Variants in NDUFC1 observed in about 807,000 individuals in gnomAD.
NDUFC1 encodes the protein NADH:ubiquinone oxidoreductase subunit C1.
A neutral mutation model predicts 11.6 loss-of-function variants in NDUFC1; 11 were observed. The observed-to-expected ratio is 0.95, with a 90% confidence interval of 0.60 to 1.58. The LOEUF (loss-of-function observed/expected upper bound fraction) is 1.58, where lower values mean the gene tolerates loss of function less well. Among genes scored for constraint, NDUFC1 ranks in the 40% most tolerant of loss-of-function variants. NDUFC1 has a pLI of 0.00. For synonymous variants in NDUFC1, 52 were observed against 42.2 expected, an observed-to-expected ratio of 1.23 and a Z score of -0.90; for missense variants, 112 against 93.0, an observed-to-expected ratio of 1.20 and a Z score of -0.84.
chr4:139,301,564 G>C, intron 1 of NDUFC1: 1 of 590,310 alleles, frequency 1.7e-6, no homozygotes, highest in African/African-American at 1.9e-5. Context: ...CCCGTAGTGG[G>C]GGAGGCGGCG....
chr4:139,299,468 A>G (rs746119678), intron 1 of NDUFC1, among the ~76,000 whole-genome samples: 5 of 152,160 alleles, frequency 3.3e-5, no homozygotes, highest in Non-Finnish European at 5.9e-5. Context: ...ATGCAAGCAC[A>G]TGGGGTAAGA....
In NDUFC1 at chr4:139,295,901, G is replaced by A. The variant is rs1421205225; in HGVS notation, c.-103C>T. ...GGGCTCTGCAGCAGAGCTCCGTGGG[G>A]GCGTCAACGTGAATTCCAGCACGGC... On this transcript the variant is annotated 5_prime_UTR_variant, in exon 3 of 6. Transcript: ENST00000394223. The A allele has an allele frequency of 1.7e-5, 21 of 1,213,624 alleles. No individual in the cohort carries two copies. The highest frequency in any genetic ancestry group is 2.4e-5 in the Non-Finnish European group (21 of 874,818). The allele number at this position is 1,213,624 out of a possible 1,614,324, so 75.2% of individuals were successfully genotyped here. A position where few individuals can be genotyped will look rare whatever the true frequency, so the allele number is the denominator to read the frequency against.
At position 139,296,032 on chromosome 4, in the gene NDUFC1, T is replaced by A. The variant is rs923373904; in HGVS notation, c.-162-72A>T. On this transcript the variant is annotated intron_variant, in intron 2 of 5. Coordinates refer to ENST00000394223, the MANE Select transcript of NDUFC1 (RefSeq NM_001184989.2). ...TACCTATTCTCTGTCCTCTGGGGGT[T>A]TTTCACCCCATCTCTACGGCTATTC... 7.5e-5 allele frequency: 38 copies of A among 507,220 alleles called. No homozygotes were observed. The East Asian group carries it at 1.4e-3, about 18-fold the overall frequency. 31.4% of individuals were successfully genotyped at this position (507,220 alleles called of 1,614,324 possible). A position where few individuals can be genotyped will look rare whatever the true frequency, so the allele number is the denominator to read the frequency against.
intron 1 of NDUFC1, chr4:139,301,936 C>A: frequency 7.9e-7 from 1 of 1,261,222 alleles, no homozygotes; most frequent in Non-Finnish European, 1.1e-6. Flanking sequence ...CCGCCCGGGA[C>A]CCCGCCTTCA....
chr4:139,297,987 T>C (rs533491335), intron 1 of NDUFC1, among the ~76,000 whole-genome samples: 2 of 151,970 alleles, frequency 1.3e-5, no homozygotes, highest in South Asian at 4.2e-4. Flanking sequence ...GGAAGATCGC[T>C]TGGACCTGGG....
chr4:139,295,694 C>A (rs780044865), intron 3 of NDUFC1, 38 bp downstream of exon 3: 47 of 1,530,110 alleles, frequency 3.1e-5, no homozygotes, highest in Non-Finnish European at 4.0e-5. Flanking sequence ...GAGGGGTAAT[C>A]TGAGGGTCGA....
chr4:139,293,965 A>G (rs1377651668), intron 4 of NDUFC1, among the ~76,000 whole-genome samples: 2 of 111,528 alleles, frequency 1.8e-5, no homozygotes, highest in Non-Finnish European at 3.4e-5. Flanking sequence ...TTTTTGAGAC[A>G]GAGTCTCGCT....
intron 1 of NDUFC1, among the ~76,000 whole-genome samples, chr4:139,299,847 C>A (rs941629584): frequency 1.3e-5 from 2 of 152,082 alleles, no homozygotes; most frequent in African/African-American, 4.8e-5. Flanking sequence ...GTTTCAAAGA[C>A]CAGAAATTTT....
chr4:139,301,700 G>T, intron 1 of NDUFC1: 1 of 1,498,210 alleles, frequency 6.7e-7, no homozygotes, highest in South Asian at 1.2e-5. Context: ...AAGCAGCTAC[G>T]GAACGGCAGC....
chr4:139,301,843 G>T (rs1360208353), intron 1 of NDUFC1: 2 of 1,585,800 alleles, frequency 1.3e-6, no homozygotes, highest in Non-Finnish European at 1.7e-6. Context: ...TAAGTGTGAG[G>T]CTCCGGGCAA....
rs1355529467 is a variant in NDUFC1, at chr4:139,295,921, C to T, written c.-123G>A. 3 of 969,580 alleles carry T rather than the reference C, an allele frequency of 3.1e-6. No homozygotes were observed. The highest frequency in any genetic ancestry group is 3.1e-5 in the South Asian group (2 of 65,074). 60.1% of individuals were successfully genotyped at this position (969,580 alleles called of 1,614,324 possible). On this transcript the variant is annotated 5_prime_UTR_variant, in exon 3 of 6. Coordinates refer to ENST00000394223, the MANE Select transcript of NDUFC1 (RefSeq NM_001184989.2). Reference sequence around the variant, plus strand: ...GTGGGGGCGTCAACGTGAATTCCAGCACGGCAAGGTTCTCTAGCACCCCGG... The same window carrying T: ...GTGGGGGCGTCAACGTGAATTCCAGTACGGCAAGGTTCTCTAGCACCCCGG...
At chr4:139,292,364 C>T (rs773145059) in intron 5 of NDUFC1, among the ~76,000 whole-genome samples, 166 bp downstream of exon 5, 1 of 150,560 alleles carries the variant, frequency 6.6e-6, no homozygotes, top group Non-Finnish European at 1.5e-5. Flanking sequence ...AAACCAACTG[C>T]TTGAGGCAAG....
intron 1 of NDUFC1, chr4:139,302,194 A>C: frequency 4.1e-6 from 1 of 243,076 alleles, no homozygotes; most frequent in South Asian, 1.2e-4. Context: ...TGGTGTGGGA[A>C]CCCTGCTGGC....
chr4:139,301,418 C>T, intron 1 of NDUFC1: 1 of 436,386 alleles, frequency 2.3e-6, no homozygotes, highest in Non-Finnish European at 4.1e-6. Flanking sequence ...AGCTCCGAAA[C>T]CCAGAGGAGG....
intron 1 of NDUFC1, chr4:139,301,501 T>G: frequency 2.2e-6 from 1 of 445,190 alleles, no homozygotes; most frequent in Non-Finnish European, 4.0e-6. Context: ...GCGTCCGCCA[T>G]TTTGGCTGCC....
intron 1 of NDUFC1, among the ~76,000 whole-genome samples, chr4:139,299,727 C>T (rs1477176061): frequency 1.3e-5 from 2 of 152,138 alleles, no homozygotes; most frequent in Admixed American, 6.5e-5. Context: ...TTTGCCGAGC[C>T]TTTAAAATTG....
At chr4:139,292,385 T>A in intron 5 of NDUFC1, 145 bp downstream of exon 5, 1 of 343,000 alleles carries the variant, frequency 2.9e-6, no homozygotes, top group Non-Finnish European at 5.3e-6. Context: ...GTATTACAAA[T>A]TTATAAATTT....
At chr4:139,292,735 A>C in intron 4 of NDUFC1, 126 bp from the exon 5 acceptor site, 1 of 487,656 alleles carries the variant, frequency 2.1e-6, no homozygotes, top group Non-Finnish European at 3.3e-6. Flanking sequence ...AGAGATCCAA[A>C]AGTTCAAAAA....
chr4:139,294,413 A>G (rs775221330), intron 4 of NDUFC1, among the ~76,000 whole-genome samples: 2 of 152,050 alleles, frequency 1.3e-5, no homozygotes, highest in Non-Finnish European at 2.9e-5. Flanking sequence ...TAAAACTCCA[A>G]TTAGCCTCAA....
Sources: allele counts gnomAD v4.1 joint callset (sites outside exome capture counted in the v4.1 genomes callset), GRCh38; gene constraint gnomAD v4.1.1; transcripts MANE v1.5; gene names NCBI Gene and HGNC (gene_info 2026-07-23, HGNC 2026-07-21).